Variants in KLF4 observed in about 807,000 individuals in gnomAD.
The protein encoded by KLF4 is Krueppel-like factor 4.
Under a neutral mutation model 38.0 loss-of-function variants are expected in KLF4, and 14 were observed. The ratio of observed to expected loss-of-function variants is 0.37; its 90% CI spans 0.24 to 0.58. The LOEUF (loss-of-function observed/expected upper bound fraction) is 0.58. Among genes scored for constraint, KLF4 ranks in the 20% least tolerant of loss-of-function variants. KLF4 has a pLI of 0.76. For missense variants in KLF4, 737 were observed against 670.1 expected (o/e 1.10, Z -1.10); for synonymous variants, 398 against 302.5 (o/e 1.32, Z -3.28).
chr9:107,489,029 G>C lies in KLF4; in HGVS notation c.27C>G (p.Asp9Glu), dbSNP rs1829142776. The change falls in exon 2 of 5, where the codon GAC (aspartate) becomes GAG (glutamate). Residue 9 changes from aspartate to glutamate, a missense_variant. Asp to Glu is a conservative substitution (Grantham distance 45, BLOSUM62 2). Coordinates refer to ENST00000374672, the MANE Select transcript of KLF4 (RefSeq NM_004235.6). MRQPPGES[D>E]MAVSDALLPS... Reference sequence around the variant, plus strand: ...GGAGCAGCGCGTCGCTGACAGCCATGTCAGACTCGCCAGGTGGCTGCCTGC... The same window carrying C: ...GGAGCAGCGCGTCGCTGACAGCCATCTCAGACTCGCCAGGTGGCTGCCTGC... 3 of 1,559,768 alleles carry C rather than the reference G, an allele frequency of 1.9e-6. No homozygotes were observed. Among genetic ancestry groups the C allele is most frequent in the African/African-American group, 1.4e-5 (1 of 73,600 alleles).
rs752064351 is a variant in KLF4, at chr9:107,485,741, T to C, written c.*10A>G. ...TTCTGGCAGTGTGGGTCATATCCAC[T>C]GTCTGGGATTTAAAAATGCCTCTTC... On this transcript the variant is annotated 3_prime_UTR_variant, in exon 5 of 5. Coordinates refer to ENST00000374672, the MANE Select transcript of KLF4 (RefSeq NM_004235.6). This position sits in a 1 kb window ranked among gnomAD's most constrained non-coding sequence, Gnocchi z 4.9. 2.5e-6 allele frequency: 4 copies of C among 1,569,470 alleles called. No individual in the cohort carries two copies. In the South Asian group the frequency reaches 3.6e-5, roughly 14 times the overall value.
Position 107,485,957 on chromosome 9 carries a change from G to A in KLF4, c.1265-31C>T, listed in dbSNP as rs774248913. 8.2e-6 allele frequency: 13 copies of A among 1,587,474 alleles called. No homozygotes were observed. The highest frequency in any genetic ancestry group is 1.1e-5 in the South Asian group (1 of 87,178). On this transcript the variant is annotated intron_variant, in intron 4 of 4. Transcript: ENST00000374672. The surrounding 1 kb of genome is among the most constrained non-coding windows in gnomAD (Gnocchi z 4.9). ...AAGGTAAAAGAAAAAAAAAATTGAC[G>A]CTATTGCTATATCAAAGAATCGCCC...
Position 107,488,553 on chromosome 9 carries a change from G to C in KLF4, c.127-286C>G. 4.0e-6 allele frequency: 2 copies of C among 498,644 alleles called. No homozygotes were observed. The highest frequency in any genetic ancestry group is 6.0e-5 in the South Asian group (2 of 33,082). The allele number at this position is 498,644 out of a possible 1,614,324, so 30.9% of individuals were successfully genotyped here. On this transcript the variant is annotated intron_variant, in intron 2 of 4. Coordinates refer to ENST00000374672, the MANE Select transcript of KLF4 (RefSeq NM_004235.6). The surrounding 1 kb of genome is among the most constrained non-coding windows in gnomAD (Gnocchi z 5.7). ...CCTCCAGGTCCCGTGGACGTCCCCG[G>C]AATTGGCACACCGAGGCTCTCTCGG...
chr9:107,486,795 G>A (rs1338022064), intron 4 of KLF4, among the ~76,000 whole-genome samples: 2 of 152,074 alleles, frequency 1.3e-5, no homozygotes, highest in Non-Finnish European at 2.9e-5. Flanking sequence ...CATCCATCAA[G>A]CAAAAGGCTC....
intron 4 of KLF4, among the ~76,000 whole-genome samples, chr9:107,486,364 G>C (rs757167776): frequency 2.6e-5 from 4 of 151,668 alleles, no homozygotes; most frequent in Non-Finnish European, 4.4e-5. Flanking sequence ...TTACCTTTAC[G>C]TTACTGAATG....
rs1435527116 is a variant in KLF4 at position 107,487,763 on chromosome 9, C to A, written c.631G>T (p.Val211Leu). The change falls in exon 3 of 5, where the codon GTG becomes TTG. Residue 211 changes from valine (V) to leucine (L), a missense_variant. Val to Leu is a conservative substitution (Grantham distance 32, BLOSUM62 1). Transcript: ENST00000374672. The surrounding 1 kb of genome is among the most constrained non-coding windows in gnomAD (Gnocchi z 6.1). The stretch of plus-strand genomic sequence containing the variant: ...TGCGGCTGCTGCGGCGGAATGTACA[C>A]CGGGTCCAATTCTGGCCGCAGGAGC... ...AELLRPELDP[V>L]YIPPQQPQPP... 3.8e-6 allele frequency: 6 copies of A among 1,564,728 alleles called. No individual in the cohort carries two copies. Among genetic ancestry groups the A allele is most frequent in the Non-Finnish European group, 4.3e-6 (5 of 1,155,252 alleles).
intron 4 of KLF4, among the ~76,000 whole-genome samples, chr9:107,486,650 A>T (rs191431684): frequency 2.0e-3 from 297 of 152,254 alleles, no homozygotes; most frequent in African/African-American, 6.6e-3. Flanking sequence ...CGATTTTTTT[A>T]AAAAAGCCAT....
chr9:107,487,042 A>T lies in KLF4; in HGVS notation c.1250T>A (p.Leu417Gln), dbSNP rs2133187210. Residue 417 changes from leucine (L) to glutamine (Q), a missense_variant, in exon 4 of 5, where the codon CTG becomes CAG. This residue lies in a region of KLF4 where 42 missense variants were observed against 115.5 expected (regional missense o/e 0.36). Coordinates refer to ENST00000374672, the MANE Select transcript of KLF4 (RefSeq NM_004235.6). This position sits in a 1 kb window ranked among gnomAD's most constrained non-coding sequence, Gnocchi z 6.1. ...YTKSSHLKAHLRTHTGEKPYH... is the reference protein window; with the variant it reads ...YTKSSHLKAHQRTHTGEKPYH... The stretch of plus-strand genomic sequence containing the variant: ...TGTCCCCCTACCTGTGTGGGTTCGC[A>T]GGTGTGCCTTGAGATGGGAACTCTT... 6.2e-7 allele frequency: 1 copy of T among 1,613,972 alleles called. No homozygotes were observed. Among genetic ancestry groups the T allele is most frequent in the Non-Finnish European group, 8.5e-7 (1 of 1,179,986 alleles).
intron 4 of KLF4, among the ~76,000 whole-genome samples, chr9:107,486,632 T>A (rs45512100): frequency 0.027 from 4,074 of 152,072 alleles, 205 homozygotes; most frequent in African/African-American, 0.094. Flanking sequence ...GAAGGGAACA[T>A]TAAAAAACGA....
At position 107,485,680 on chromosome 9, in the gene KLF4, G is replaced by A; in HGVS notation, c.*71C>T. ...CTGGCTGGGCTCCTTCCCTCATCGG[G>A]AAGACAGTGTGAAAAGTAAAAAATA... On this transcript the variant is annotated 3_prime_UTR_variant, in exon 5 of 5. Coordinates refer to ENST00000374672, the MANE Select transcript of KLF4 (RefSeq NM_004235.6). The surrounding 1 kb of genome is among the most constrained non-coding windows in gnomAD (Gnocchi z 4.9). 2 of 1,423,200 alleles carry A rather than the reference G, an allele frequency of 1.4e-6. No homozygotes were observed. Among genetic ancestry groups the A allele is most frequent in the Non-Finnish European group, 1.9e-6 (2 of 1,069,684 alleles). The allele number at this position is 1,423,200 out of a possible 1,614,324, so 88.2% of individuals were successfully genotyped here.
Position 107,489,271 on chromosome 9 carries a change from C to T in KLF4, c.-99G>A. 7.2e-7 allele frequency: 1 copy of T among 1,381,010 alleles called. No individual in the cohort carries two copies. The allele number at this position is 1,381,010 out of a possible 1,614,324, so 85.5% of individuals were successfully genotyped here. ...AAGAAACGAAGCCAAAACCCAAAACCCCAAATTGGCCGAGATCCTTCTTCT... is the reference window on the plus strand; with the variant it reads ...AAGAAACGAAGCCAAAACCCAAAACTCCAAATTGGCCGAGATCCTTCTTCT... On this transcript the variant is annotated 5_prime_UTR_variant, in exon 1 of 5. Coordinates refer to ENST00000374672, the MANE Select transcript of KLF4 (RefSeq NM_004235.6).
Position 107,489,344 on chromosome 9 carries a change from TA to T in KLF4, c.-173del. 1.3e-5 allele frequency: 12 copies of T among 892,126 alleles called. No homozygotes were observed. Among genetic ancestry groups the T allele is most frequent in the Non-Finnish European group, 1.7e-5 (11 of 637,894 alleles). The allele number at this position is 892,126 out of a possible 1,614,324, so 55.3% of individuals were successfully genotyped here. ...GCGTCTTTTTTAAAAAGTTCCTTTG[TA>T]TACAAAAGTTCTTAGAAAAGTTGTA... is the stretch of plus-strand genomic sequence containing the variant. On this transcript the variant is annotated 5_prime_UTR_variant, in exon 1 of 5. Transcript: ENST00000374672.
At position 107,485,346 on chromosome 9, in the gene KLF4, G is replaced by C. The variant is rs1477422025; in HGVS notation, c.*405C>G. 1 of 231,646 alleles carries C rather than the reference G, an allele frequency of 4.3e-6. No homozygotes were observed. The highest frequency in any genetic ancestry group is 2.2e-5 in the African/African-American group (1 of 45,206). 14.3% of individuals were successfully genotyped at this position (231,646 alleles called of 1,614,324 possible). The stretch of plus-strand genomic sequence containing the variant: ...TCTAACATCATAATAATGGCTTTTA[G>C]AAGGTAAAGAGAATACAAGGTGATC... On this transcript the variant is annotated 3_prime_UTR_variant, in exon 5 of 5. Coordinates refer to ENST00000374672, the MANE Select transcript of KLF4 (RefSeq NM_004235.6). The surrounding 1 kb of genome is among the most constrained non-coding windows in gnomAD (Gnocchi z 4.9).
rs771022952 is a variant in KLF4, at chr9:107,485,956, C to T, written c.1265-30G>A. The T allele has an allele frequency of 2.9e-5, 46 of 1,592,456 alleles. No homozygotes were observed. Among genetic ancestry groups the T allele is most frequent in the African/African-American group, 5.4e-5 (4 of 73,406 alleles). ...AAAGGTAAAAGAAAAAAAAAATTGA[C>T]GCTATTGCTATATCAAAGAATCGCC... On this transcript the variant is annotated intron_variant, in intron 4 of 4. Coordinates refer to ENST00000374672, the MANE Select transcript of KLF4 (RefSeq NM_004235.6). The surrounding 1 kb of genome is among the most constrained non-coding windows in gnomAD (Gnocchi z 4.9).
chr9:107,485,786 C>CGG lies in KLF4; in HGVS notation c.1404_1405insCC (p.Asp469ProfsTer8). ...CTCTTCATGTGTAAGGCGAGGTGGT[C>CGG]CGACCTGGAAAATGCTCGGTCGCAT... On this transcript the variant is annotated frameshift_variant, in exon 5 of 5. Coordinates refer to ENST00000374672, the MANE Select transcript of KLF4 (RefSeq NM_004235.6). LOFTEE classifies it high-confidence loss of function. This position sits in a 1 kb window ranked among gnomAD's most constrained non-coding sequence, Gnocchi z 4.9. The CGG allele has an allele frequency of 6.2e-7, 1 of 1,606,386 alleles. No homozygotes were observed. Among genetic ancestry groups the CGG allele is most frequent in the Non-Finnish European group, 8.5e-7 (1 of 1,177,392 alleles).
Position 107,489,491 on chromosome 9 carries a change from A to T in KLF4, c.-319T>A. 15 of 214,822 alleles carry T rather than the reference A, an allele frequency of 7.0e-5. No individual in the cohort carries two copies. Among genetic ancestry groups the T allele is most frequent in the Non-Finnish European group, 1.1e-4 (12 of 108,894 alleles). The allele number at this position is 214,822 out of a possible 1,614,324, so 13.3% of individuals were successfully genotyped here. The stretch of plus-strand genomic sequence containing the variant: ...TCGCCTCGAGTGCTGCCGTGGGCGC[A>T]GGGGCTGTGGCCGGGGCGGTGGGCG... On this transcript the variant is annotated 5_prime_UTR_variant, in exon 1 of 5. Coordinates refer to ENST00000374672, the MANE Select transcript of KLF4 (RefSeq NM_004235.6).
In KLF4 at chr9:107,489,751, C is replaced by T. The variant is rs1026295263; in HGVS notation, c.-579G>A. 1.9e-5 allele frequency: 4 copies of T among 206,030 alleles called. No homozygotes were observed. In the East Asian group the frequency reaches 2.9e-4, roughly 15 times the overall value. The allele number at this position is 206,030 out of a possible 1,614,324, so 12.8% of individuals were successfully genotyped here. A position where few individuals can be genotyped will look rare whatever the true frequency, so the allele number is the denominator to read the frequency against. On this transcript the variant is annotated 5_prime_UTR_variant, in exon 1 of 5. Transcript: ENST00000374672. ...GCGCGCCCGCAGACACGTTCGTTCT[C>T]TCTGGTCGGGAAACTGCCGGCCGCC... is the stretch of plus-strand genomic sequence containing the variant.
At position 107,487,364 on chromosome 9, in the gene KLF4, G is replaced by T; in HGVS notation, c.1030C>A (p.Pro344Thr). The change falls in exon 3 of 5, where the codon CCG becomes ACG. Residue 344 changes from proline to threonine, a missense_variant. This residue lies in a region of KLF4 where 695 missense variants were observed against 554.5 expected (regional missense o/e 1.25). Coordinates refer to ENST00000374672, the MANE Select transcript of KLF4 (RefSeq NM_004235.6). This position sits in a 1 kb window ranked among gnomAD's most constrained non-coding sequence, Gnocchi z 6.1. ...LPLPPGFHPH[P>T]GPNYPSFLPD... is the part of the protein sequence containing the mutation. The stretch of plus-strand genomic sequence containing the variant: ...AGGAAGGATGGGTAATTGGGCCCCG[G>T]GTGGGGATGGAAGCCGGGAGGAAGC... 6.5e-7 allele frequency: 1 copy of T among 1,541,990 alleles called. No homozygotes were observed. The highest frequency in any genetic ancestry group is 8.7e-7 in the Non-Finnish European group (1 of 1,145,632).
rs780759576 is a variant in KLF4 at position 107,487,744 on chromosome 9, T to C, written c.650A>G (p.Gln217Arg). 6.3e-7 allele frequency: 1 copy of C among 1,579,462 alleles called. No individual in the cohort carries two copies. The change falls in exon 3 of 5, where the codon CAG becomes CGG. Residue 217 changes from glutamine (Q) to arginine (R), a missense_variant. Transcript: ENST00000374672. This position sits in a 1 kb window ranked among gnomAD's most constrained non-coding sequence, Gnocchi z 6.1. Reference protein sequence around the residue: ...ELDPVYIPPQQPQPPGGGLMG... With the variant: ...ELDPVYIPPQRPQPPGGGLMG... ...CAGCCCGCCACCTGGCGGCTGCGGC[T>C]GCTGCGGCGGAATGTACACCGGGTC...
Sources: gnomAD v4.1 joint callset for allele counts (sites outside exome capture counted in the v4.1 genomes callset) on GRCh38, gnomAD v4.1.1 for gene constraint, gnomAD v4.1.1 regional missense constraint, Gnocchi (gnomAD v3.1) non-coding constraint, MANE v1.5 for transcripts, NCBI Gene and HGNC (gene_info 2026-07-23, HGNC 2026-07-21) for gene names.